Variants in GPATCH2 observed in about 807,000 individuals in gnomAD.
The protein encoded by GPATCH2 is G-patch domain containing 2, also known as G patch domain-containing protein 2.
A neutral mutation model predicts 58.0 loss-of-function variants in GPATCH2; 51 were observed. The ratio of observed to expected loss-of-function variants is 0.88; its 90% CI spans 0.70 to 1.11. The LOEUF is 1.11. Ranked by LOEUF, GPATCH2 falls within the 50% of genes most tolerant of loss-of-function variation. The probability of loss-of-function intolerance (pLI) is 0.00; values close to 1 mark genes in which losing one functional copy is unlikely to be tolerated. For missense variants in GPATCH2, 625 were observed against 652.2 expected (o/e 0.96, Z 0.45); for synonymous variants, 222 against 218.5 (o/e 1.02, Z -0.14).
At chr1:217,555,984 A>C (rs894888422) in intron 5 of GPATCH2, among the ~76,000 whole-genome samples, 4 of 152,224 alleles carry the variant, frequency 2.6e-5, no homozygotes, top group African/African-American at 9.6e-5. Context: ...TAGTCAACTT[A>C]TAAATCATTT....
chr1:217,625,617 C>A (rs1041149246), intron 1 of GPATCH2, among the ~76,000 whole-genome samples: 1 of 152,068 alleles, frequency 6.6e-6, no homozygotes, highest in Non-Finnish European at 1.5e-5. Flanking sequence ...ATTTCCTTGC[C>A]TAGATGCTGA....
At chr1:217,597,205 T>C (rs958316620) in intron 5 of GPATCH2, among the ~76,000 whole-genome samples, 1 of 151,520 alleles carries the variant, frequency 6.6e-6, no homozygotes, top group Non-Finnish European at 1.5e-5. Context: ...TGGTGGTCAG[T>C]GTCTATAGTA....
rs1669738437 is a variant in GPATCH2, at chr1:217,631,048, A to G, written c.-77T>C. The G allele has an allele frequency of 4.4e-6, 6 of 1,371,506 alleles. No homozygotes were observed. In the East Asian group the frequency reaches 9.9e-5, roughly 23 times the overall value. 85.0% of individuals were successfully genotyped at this position (1,371,506 alleles called of 1,614,324 possible). A position where few individuals can be genotyped will look rare whatever the true frequency, so the allele number is the denominator to read the frequency against. On this transcript the variant is annotated 5_prime_UTR_variant, in exon 1 of 10. Coordinates refer to ENST00000366935, the MANE Select transcript of GPATCH2 (RefSeq NM_018040.5). Reference sequence around the variant, plus strand: ...AACTACAACAGCACCGGCGACTTCCAAAGAGCAGTTCAGCATTTTGAGATG... The same window carrying G: ...AACTACAACAGCACCGGCGACTTCCGAAGAGCAGTTCAGCATTTTGAGATG...
intron 6 of GPATCH2, among the ~76,000 whole-genome samples, chr1:217,512,521 G>C (rs148688789): frequency 6.6e-6 from 1 of 152,134 alleles, no homozygotes; most frequent in Non-Finnish European, 1.5e-5. Flanking sequence ...AAGAGCATGA[G>C]CCTGCTGACA....
chr1:217,468,905 T>A (rs560945364), intron 8 of GPATCH2, among the ~76,000 whole-genome samples: 130 of 152,240 alleles, frequency 8.5e-4, no homozygotes, highest in African/African-American at 3.1e-3. Context: ...ATATAAAAAA[T>A]TTTCTATGAT....
chr1:217,457,990 G>T (rs974274189), intron 8 of GPATCH2, among the ~76,000 whole-genome samples: 2 of 152,114 alleles, frequency 1.3e-5, no homozygotes, highest in African/African-American at 4.8e-5. Context: ...CACTTTGAGA[G>T]GCCGAGGCGG....
chr1:217,627,818 C>T (rs1669539589), intron 1 of GPATCH2, among the ~76,000 whole-genome samples: 1 of 152,042 alleles, frequency 6.6e-6, no homozygotes, highest in Admixed American at 6.5e-5. Context: ...TTTGCTACTT[C>T]ATTTAATGAC....
chr1:217,494,062 G>A (rs905232685), intron 7 of GPATCH2, among the ~76,000 whole-genome samples: 1 of 152,124 alleles, frequency 6.6e-6, no homozygotes, highest in Non-Finnish European at 1.5e-5. Flanking sequence ...TTCTCAGAGA[G>A]GCCACCAATC....
chr1:217,611,357 T>G (rs1341841048), intron 3 of GPATCH2, among the ~76,000 whole-genome samples: 1 of 150,200 alleles, frequency 6.7e-6, no homozygotes, highest in Non-Finnish European at 1.5e-5. Context: ...ATATACAATC[T>G]ATAAGGAAAA....
At chr1:217,524,720 G>A (rs1176167538) in intron 5 of GPATCH2, among the ~76,000 whole-genome samples, 1 of 150,732 alleles carries the variant, frequency 6.6e-6, no homozygotes, top group Non-Finnish European at 1.5e-5. Context: ...AACCAGTCAG[G>A]CGTGGCAGCG....
intron 8 of GPATCH2, among the ~76,000 whole-genome samples, chr1:217,451,574 C>T (rs755564894): frequency 1.3e-5 from 2 of 152,144 alleles, no homozygotes; most frequent in Non-Finnish European, 2.9e-5. Context: ...TAACACATAC[C>T]CACTTTATAT....
intron 5 of GPATCH2, among the ~76,000 whole-genome samples, chr1:217,596,695 G>A (rs560556694): frequency 6.6e-6 from 1 of 151,978 alleles, no homozygotes; most frequent in East Asian, 1.9e-4. Flanking sequence ...GAAAATATAG[G>A]TATGATTTAG....
chr1:217,471,711 CTTTT>C, intron 8 of GPATCH2, among the ~76,000 whole-genome samples: 1 of 151,234 alleles, frequency 6.6e-6, no homozygotes, highest in East Asian at 1.9e-4. Context: ...TCTATTGTCA[CTTTT>C]TTTTTCATTT....
intron 5 of GPATCH2, among the ~76,000 whole-genome samples, chr1:217,536,349 A>G (rs562907092): frequency 5.2e-4 from 79 of 152,342 alleles, no homozygotes; most frequent in African/African-American, 1.8e-3. Context: ...AATTATAAGT[A>G]CAACACTCTG....
At chr1:217,543,335 T>A in intron 5 of GPATCH2, among the ~76,000 whole-genome samples, 1 of 140,094 alleles carries the variant, frequency 7.1e-6, no homozygotes, top group Non-Finnish European at 1.5e-5. Context: ...AGTGGCGCAA[T>A]CTCGGCTCAC....
rs1658418599 is a variant in GPATCH2 at position 217,428,973 on chromosome 1, AAAG to A, written c.*2169_*2171del. ...TTCCATTAGAACATAATAAGGTGAAAAAGAACAGCCAAGTCCTCAGGAGTGTGG... is the reference window on the plus strand; with the variant it reads ...TTCCATTAGAACATAATAAGGTGAAAAACAGCCAAGTCCTCAGGAGTGTGG... On this transcript the variant is annotated 3_prime_UTR_variant, in exon 10 of 10. Transcript: ENST00000366935. 1 of 152,156 alleles carries A rather than the reference AAAG, an allele frequency of 6.6e-6. No individual in the cohort carries two copies. Among genetic ancestry groups the A allele is most frequent in the Non-Finnish European group, 1.5e-5 (1 of 68,036 alleles). The allele number at this position is 152,156 out of a possible 1,614,324, so 9.4% of individuals were successfully genotyped here.
intron 5 of GPATCH2, among the ~76,000 whole-genome samples, chr1:217,555,100 C>A (rs1312031066): frequency 6.6e-6 from 1 of 152,148 alleles, no homozygotes. Flanking sequence ...TACTTTGTTG[C>A]CACATTCTCA....
At chr1:217,623,944 A>T (rs1669325795) in intron 1 of GPATCH2, among the ~76,000 whole-genome samples, 1 of 152,116 alleles carries the variant, frequency 6.6e-6, no homozygotes, top group Admixed American at 6.6e-5. Context: ...ACCATATTTT[A>T]AAAAACACTG....
chr1:217,441,993 T>C (rs916736235), intron 9 of GPATCH2, among the ~76,000 whole-genome samples: 2 of 152,202 alleles, frequency 1.3e-5, no homozygotes, highest in African/African-American at 4.8e-5. Flanking sequence ...CATTACTGGG[T>C]ATATATCCAA....
Sources: allele counts gnomAD v4.1 joint callset (sites outside exome capture counted in the v4.1 genomes callset), GRCh38; gene constraint gnomAD v4.1.1; transcripts MANE v1.5; gene names NCBI Gene and HGNC (gene_info 2026-07-23, HGNC 2026-07-21).